The following EPSTI1 variants were observed in gnomAD, a reference collection of about 807,000 sequenced individuals.
EPSTI1 encodes epithelial-stromal interaction protein 1.
Under a neutral mutation model 49.9 loss-of-function variants are expected in EPSTI1, and 66 were observed. The ratio of observed to expected loss-of-function variants is 1.32; its 90% CI spans 1.08 to 1.62. EPSTI1 has a LOEUF of 1.62. EPSTI1 is among the 40% of genes most tolerant of loss of function. EPSTI1 has a pLI of 0.00. For synonymous variants in EPSTI1, 137 were observed against 130.7 expected (o/e 1.05, Z -0.33); for missense variants, 394 against 365.5 (o/e 1.08, Z -0.64).
rs116739888 is a variant in EPSTI1, at chr13:42,974,986, G to C, written c.189-4316C>G. Among the ~76,000 whole-genome samples the C allele has an allele frequency of 7.6e-3, 1,162 of 152,134 alleles. 9 individuals are homozygous for C. The highest frequency in any genetic ancestry group is 0.026 in the African/African-American group (1,090 of 41,490). ...TCAAGCAGAATAGTAGACATGTAAA[G>C]TCTACAGTCCTGCAAAAAGTTGAAG... On this transcript the variant is annotated intron_variant, in intron 1 of 10. Transcript: ENST00000313624.
At chr13:42,964,328 T>G (rs541038490) in intron 3 of EPSTI1, among the ~76,000 whole-genome samples, 189 bp from the exon 4 acceptor site, 1 of 148,522 alleles carries the variant, frequency 6.7e-6, no homozygotes, top group Non-Finnish European at 1.5e-5. Context: ...AAGAAAGAGC[T>G]GGATAGAAAG....
intron 6 of EPSTI1, among the ~76,000 whole-genome samples, chr13:42,939,182 G>T (rs1448267772): frequency 6.6e-6 from 1 of 152,164 alleles, no homozygotes; most frequent in Non-Finnish European, 1.5e-5. Context: ...TGGCTTAAGG[G>T]AATGTTTTGG....
chr13:42,932,624 A>T (rs374709456), intron 6 of EPSTI1, among the ~76,000 whole-genome samples: 12 of 85,050 alleles, frequency 1.4e-4, no homozygotes, highest in East Asian at 1.2e-3. Context: ...ACATCCAGGT[A>T]AAAAAAAAAA....
chr13:42,968,277 T>C (rs1277341839), intron 3 of EPSTI1, among the ~76,000 whole-genome samples: 2 of 150,654 alleles, frequency 1.3e-5, no homozygotes, highest in Non-Finnish European at 3.0e-5. Flanking sequence ...TATTACTTCC[T>C]CCCATTAAAT....
Position 42,895,099 on chromosome 13 carries a change from A to G in EPSTI1, c.825T>C (p.Asn275=). The change falls in exon 10 of 11, where the codon AAT becomes AAC. Residue 275 remains asparagine, a synonymous_variant. Transcript: ENST00000313624. The part of the protein sequence containing the change: ...IHQTEHRRVN[N]AFLDRLQGKS... ...TGCCTTGGAGTCGGTCCAGAAAAGC[A>G]TTATTTACCCTTTAAAACAATGAAA... 6.2e-7 allele frequency: 1 copy of G among 1,612,318 alleles called. No homozygotes were observed. Among genetic ancestry groups the G allele is most frequent in the Non-Finnish European group, 8.5e-7 (1 of 1,179,068 alleles).
intron 9 of EPSTI1, among the ~76,000 whole-genome samples, chr13:42,897,192 G>A (rs1361710672): frequency 2.6e-5 from 4 of 151,284 alleles, no homozygotes; most frequent in Admixed American, 1.3e-4. Flanking sequence ...TCCCCTCTTC[G>A]TAGGCCATCT....
intron 6 of EPSTI1, among the ~76,000 whole-genome samples, chr13:42,937,606 T>C (rs2038607933): frequency 6.6e-6 from 1 of 152,210 alleles, no homozygotes; most frequent in Non-Finnish European, 1.5e-5. Flanking sequence ...TCTTTGCTCA[T>C]CCATAAAAAG....
intron 1 of EPSTI1, among the ~76,000 whole-genome samples, chr13:42,985,408 G>T (rs1300350026): frequency 6.6e-6 from 1 of 152,190 alleles, no homozygotes; most frequent in Non-Finnish European, 1.5e-5. Context: ...TAGCTTTTGT[G>T]CAAAGTTGTA....
rs373513301 is a variant in EPSTI1 at position 42,916,595 on chromosome 13, G to A, written c.741+946C>T. 2.8e-4 allele frequency among the ~76,000 whole-genome samples: 42 copies of A among 152,252 alleles called. No homozygotes were observed. The East Asian group carries it at 6.9e-3, about 25-fold the overall frequency. The stretch of plus-strand genomic sequence containing the variant: ...AATTACCTTGTTGGGGAAAGACAAA[G>A]AAAACATAAATTAAACCAAATCAAG... On this transcript the variant is annotated intron_variant, in intron 8 of 10. Coordinates refer to ENST00000313624, the MANE Select transcript of EPSTI1 (RefSeq NM_033255.5).
chr13:42,906,636 G>A (rs892159981), intron 8 of EPSTI1, among the ~76,000 whole-genome samples: 2 of 152,166 alleles, frequency 1.3e-5, no homozygotes, highest in South Asian at 2.1e-4. Context: ...AGAGTTTAAA[G>A]AAGTCCTGGT....
intron 6 of EPSTI1, among the ~76,000 whole-genome samples, chr13:42,950,326 G>A (rs909643211): frequency 2.0e-5 from 3 of 152,212 alleles, no homozygotes; most frequent in African/African-American, 7.2e-5. Context: ...TGCTCCATCT[G>A]CATGTGCAAT....
At chr13:42,910,895 T>C (rs2037651480) in intron 8 of EPSTI1, among the ~76,000 whole-genome samples, 1 of 152,208 alleles carries the variant, frequency 6.6e-6, no homozygotes, top group African/African-American at 2.4e-5. Context: ...CCACTGAATA[T>C]AATGTTGGTT....
chr13:42,982,538 G>A (rs9525718), intron 1 of EPSTI1, among the ~76,000 whole-genome samples: 22,129 of 152,002 alleles, frequency 0.15, 2,127 homozygotes, highest in African/African-American at 0.27. Flanking sequence ...CTTGGGGTCC[G>A]GATCAGGACC....
chr13:42,926,073 A>ATGGATGGG (rs1448727114), intron 7 of EPSTI1, among the ~76,000 whole-genome samples: 2 of 89,278 alleles, frequency 2.2e-5, no homozygotes, highest in Non-Finnish European at 5.5e-5. Context: ...GGATGGAAGA[A>ATGGATGGG]TGGATGGGTG....
At chr13:42,954,070 G>A (rs1430394785) in intron 5 of EPSTI1, 49 bp from the exon 6 acceptor site, 3 of 1,518,870 alleles carry the variant, frequency 2.0e-6, no homozygotes, top group Non-Finnish European at 2.7e-6. Flanking sequence ...GCTTTAAGCA[G>A]AGTCATGATG....
chr13:42,972,171 T>G (rs1361255522), intron 1 of EPSTI1, among the ~76,000 whole-genome samples: 2 of 152,170 alleles, frequency 1.3e-5, no homozygotes, highest in South Asian at 2.1e-4. Flanking sequence ...CTACACAATC[T>G]TCAATGTCTG....
At chr13:42,972,852 A>G (rs1248334857) in intron 1 of EPSTI1, among the ~76,000 whole-genome samples, 1 of 152,214 alleles carries the variant, frequency 6.6e-6, no homozygotes, top group Non-Finnish European at 1.5e-5. Context: ...GATGGGGAAA[A>G]AAACAAAAAT....
intron 9 of EPSTI1, among the ~76,000 whole-genome samples, chr13:42,898,518 CTCT>C (rs1332018015): frequency 2.0e-5 from 3 of 152,106 alleles, no homozygotes; most frequent in African/African-American, 4.8e-5. Context: ...CTAGAAAAAT[CTCT>C]TCTTGGATTA....
Position 42,923,589 on chromosome 13 carries a change from G to T in EPSTI1, c.657+2747C>A, listed in dbSNP as rs538323503. ...ATAAATAAATAAATAAAAAATGGGG[G>T]CAGCAAACCAGAGACTAGAAACCAT... is the stretch of plus-strand genomic sequence containing the variant. On this transcript the variant is annotated intron_variant, in intron 7 of 10. Coordinates refer to ENST00000313624, the MANE Select transcript of EPSTI1 (RefSeq NM_033255.5). Among the ~76,000 whole-genome samples, 8 of 152,172 alleles carry T rather than the reference G, an allele frequency of 5.3e-5. No individual in the cohort carries two copies. The East Asian group carries it at 1.4e-3, about 26-fold the overall frequency.
Sources: gnomAD v4.1 joint callset for allele counts (sites outside exome capture counted in the v4.1 genomes callset) on GRCh38, gnomAD v4.1.1 for gene constraint, MANE v1.5 for transcripts, NCBI Gene and HGNC (gene_info 2026-07-23, HGNC 2026-07-21) for gene names.